Variants in REC114 observed in about 807,000 individuals in gnomAD.
REC114 encodes meiotic recombination protein REC114.
Under a neutral mutation model 31.3 loss-of-function variants are expected in REC114, and 27 were observed. The observed-to-expected ratio is 0.86, with a 90% CI of 0.64 to 1.19. REC114 has a LOEUF of 1.19. REC114 is among the 50% of genes most tolerant of loss of function. REC114 has a pLI of 0.00. For missense variants in REC114, 344 were observed against 326.9 expected (o/e 1.05, Z -0.40); for synonymous variants, 134 against 127.7 (o/e 1.05, Z -0.33).
At chr15:73,507,315 T>C (rs928612037) in intron 2 of REC114, among the ~76,000 whole-genome samples, 4 of 152,238 alleles carry the variant, frequency 2.6e-5, no homozygotes, top group African/African-American at 9.6e-5. Flanking sequence ...CAGGATGGCT[T>C]TGAAAGCAGC....
chr15:73,489,407 A>G (rs1038420483), intron 2 of REC114, among the ~76,000 whole-genome samples: 1 of 151,636 alleles, frequency 6.6e-6, no homozygotes, highest in Non-Finnish European at 1.5e-5. Flanking sequence ...GGTTTCATCA[A>G]CATGGTCAGG....
chr15:73,551,208 T>G, intron 4 of REC114, 58 bp downstream of exon 4: 13 of 1,401,152 alleles, frequency 9.3e-6, no homozygotes, highest in African/African-American at 1.4e-5. Flanking sequence ...GCACAATGAG[T>G]GGCCAAAATG....
At chr15:73,492,015 A>G (rs1020424180) in intron 2 of REC114, among the ~76,000 whole-genome samples, 3 of 152,090 alleles carry the variant, frequency 2.0e-5, no homozygotes, top group African/African-American at 2.4e-5. Context: ...AATTTAAGTT[A>G]TTCTTGTGTG....
chr15:73,469,179 A>G (rs1415418595), intron 1 of REC114, among the ~76,000 whole-genome samples: 1 of 152,088 alleles, frequency 6.6e-6, no homozygotes, highest in Non-Finnish European at 1.5e-5. Flanking sequence ...TGCTTTTTCT[A>G]TCAGTTATTG....
chr15:73,444,408 T>C (rs1352619716), intron 1 of REC114, among the ~76,000 whole-genome samples: 1 of 152,242 alleles, frequency 6.6e-6, no homozygotes, highest in African/African-American at 2.4e-5. Context: ...TTTGCTGTCA[T>C]TTCAGCAATG....
chr15:73,462,884 CAAAAA>C (rs769569268), intron 1 of REC114, among the ~76,000 whole-genome samples: 2 of 55,654 alleles, frequency 3.6e-5, no homozygotes, highest in African/African-American at 7.1e-5. Flanking sequence ...GACTCCGTCT[CAAAAA>C]AAAAAAAAAA....
intron 2 of REC114, among the ~76,000 whole-genome samples, chr15:73,492,449 T>C (rs1469630642): frequency 6.6e-6 from 1 of 152,158 alleles, no homozygotes; most frequent in Non-Finnish European, 1.5e-5. Context: ...CTGTGAACAC[T>C]CTTGTATATC....
At chr15:73,559,371 G>A (rs1295395272) in intron 5 of REC114, among the ~76,000 whole-genome samples, 6 of 152,228 alleles carry the variant, frequency 3.9e-5, no homozygotes, top group Non-Finnish European at 8.8e-5. Flanking sequence ...CACCTATGCT[G>A]TGGCGAAGAT....
At chr15:73,501,544 A>G (rs1893604089) in intron 2 of REC114, among the ~76,000 whole-genome samples, 2 of 152,178 alleles carry the variant, frequency 1.3e-5, no homozygotes, top group South Asian at 2.1e-4. Flanking sequence ...TCCCAGGTTC[A>G]AGAGAGTCTC....
intron 5 of REC114, among the ~76,000 whole-genome samples, chr15:73,558,099 G>T (rs974631655): frequency 6.6e-6 from 1 of 152,248 alleles, no homozygotes; most frequent in Middle Eastern, 3.4e-3. Flanking sequence ...AAGCACTTTG[G>T]GGGGCTGAGG....
Position 73,535,683 on chromosome 15 carries a change from T to G in REC114, c.250-4802T>G, listed in dbSNP as rs1350095292. Among the ~76,000 whole-genome samples, 5 of 144,044 alleles carry G rather than the reference T, an allele frequency of 3.5e-5. No individual in the cohort carries two copies. In the Admixed American group the frequency reaches 3.5e-4, roughly 10 times the overall value. 94.5% of individuals were successfully genotyped at this position (144,044 alleles called of 152,430 possible). A position where few individuals can be genotyped will look rare whatever the true frequency, so the allele number is the denominator to read the frequency against. ...AGAATTGGAAAAAACTACTTTAAAGTTCATATGGAACCAAAAAAGAGCCTG... is the reference window on the plus strand; with the variant it reads ...AGAATTGGAAAAAACTACTTTAAAGGTCATATGGAACCAAAAAAGAGCCTG... On this transcript the variant is annotated intron_variant, in intron 2 of 5. Transcript: ENST00000331090.
chr15:73,513,049 T>TGTA (rs1170142307), intron 2 of REC114, among the ~76,000 whole-genome samples: 6 of 150,752 alleles, frequency 4.0e-5, no homozygotes, highest in Non-Finnish European at 8.9e-5. Flanking sequence ...TTTTCCAACT[T>TGTA]GGTTCCATTC....
At chr15:73,481,408 G>A (rs1197929933) in intron 2 of REC114, among the ~76,000 whole-genome samples, 1 of 151,896 alleles carries the variant, frequency 6.6e-6, no homozygotes, top group Non-Finnish European at 1.5e-5. Context: ...ACTGCCAGAG[G>A]GCTCCATGGA....
intron 3 of REC114, 58 bp from the exon 4 acceptor site, chr15:73,550,880 C>G: frequency 1.3e-6 from 2 of 1,547,220 alleles, no homozygotes; most frequent in Non-Finnish European, 1.8e-6. Flanking sequence ...TGGAAGACCC[C>G]AAAGTAAATA....
At chr15:73,520,443 C>A (rs12904977) in intron 2 of REC114, among the ~76,000 whole-genome samples, 3,197 of 152,212 alleles carry the variant, frequency 0.021, 59 homozygotes, top group Non-Finnish European at 0.032. Flanking sequence ...GTTGGCCAGG[C>A]TGGTCTTGAA....
chr15:73,521,043 G>T (rs527586706), intron 2 of REC114, among the ~76,000 whole-genome samples: 1 of 152,170 alleles, frequency 6.6e-6, no homozygotes, highest in African/African-American at 2.4e-5. Flanking sequence ...ATGTTACAGG[G>T]ACATAGAGGA....
At chr15:73,509,762 C>T (rs1156850592) in intron 2 of REC114, among the ~76,000 whole-genome samples, 16 of 150,418 alleles carry the variant, frequency 1.1e-4, no homozygotes, top group East Asian at 7.8e-4. Flanking sequence ...AGGTATGCGG[C>T]GTTATTTCTG....
chr15:73,522,333 C>G (rs9635319), intron 2 of REC114, among the ~76,000 whole-genome samples: 2,139 of 152,224 alleles, frequency 0.014, 27 homozygotes, highest in East Asian at 0.054. Context: ...CATAGTCTTT[C>G]CTCCCCCTTT....
intron 2 of REC114, among the ~76,000 whole-genome samples, chr15:73,524,460 A>G (rs951876430): frequency 6.6e-6 from 1 of 152,230 alleles, no homozygotes; most frequent in African/African-American, 2.4e-5. Context: ...TACAAACAAT[A>G]GTCAGCATCA....
Sources: allele counts gnomAD v4.1 joint callset (sites outside exome capture counted in the v4.1 genomes callset), GRCh38; gene constraint gnomAD v4.1.1; transcripts MANE v1.5; gene names NCBI Gene and HGNC (gene_info 2026-07-23, HGNC 2026-07-21).